The following C14orf132 variants were observed in gnomAD, a reference collection of about 807,000 sequenced individuals.
The protein encoded by C14orf132 is chromosome 14 open reading frame 132.
Under a neutral mutation model 5.8 loss-of-function variants are expected in C14orf132, and 6 were observed. The observed-to-expected ratio is 1.03, with a 90% confidence interval of 0.57 to 2.04. C14orf132 has a LOEUF of 2.04. Ranked by LOEUF, C14orf132 falls within the 30% of genes most tolerant of loss-of-function variation. The probability of loss-of-function intolerance (pLI) is 0.00; values close to 1 mark genes in which losing one functional copy is unlikely to be tolerated. For synonymous variants in C14orf132, 51 were observed against 49.8 expected (o/e 1.02, Z -0.10); for missense variants, 125 against 115.8 (o/e 1.08, Z -0.37).
intron 1 of C14orf132, among the ~76,000 whole-genome samples, chr14:96,059,790 T>A (rs1424058296): frequency 6.6e-6 from 1 of 152,206 alleles, no homozygotes; most frequent in Non-Finnish European, 1.5e-5. Context: ...CTTCCTGATC[T>A]GTTTCCTTTC....
chr14:96,069,127 C>T (rs973566315), intron 1 of C14orf132, among the ~76,000 whole-genome samples: 31 of 149,406 alleles, frequency 2.1e-4, no homozygotes, highest in Non-Finnish European at 1.3e-4. Context: ...GTTTCTCAGC[C>T]TCCATAATTG....
intron 1 of C14orf132, among the ~76,000 whole-genome samples, chr14:96,066,094 G>T (rs970667645): frequency 2.0e-5 from 3 of 152,134 alleles, no homozygotes; most frequent in African/African-American, 7.2e-5. Context: ...CTCAGGTACA[G>T]CCAGGGAGGT....
intron 1 of C14orf132, among the ~76,000 whole-genome samples, chr14:96,078,518 C>T (rs1201883047): frequency 1.3e-5 from 2 of 152,190 alleles, no homozygotes; most frequent in Non-Finnish European, 2.9e-5. Flanking sequence ...CCAGGGGCCT[C>T]GGCCATTGCT....
At position 96,091,653 on chromosome 14, in the gene C14orf132, C is replaced by T; in HGVS notation, c.*4918C>T. 1 of 153,574 alleles carries T rather than the reference C, an allele frequency of 6.5e-6. No homozygotes were observed. Among genetic ancestry groups the T allele is most frequent in the East Asian group, 1.9e-4 (1 of 5,200 alleles). 9.5% of individuals were successfully genotyped at this position (153,574 alleles called of 1,614,324 possible). A position where few individuals can be genotyped will look rare whatever the true frequency, so the allele number is the denominator to read the frequency against. The stretch of plus-strand genomic sequence containing the variant: ...GGGCTGAGCTGCTATGACAGGGAGG[C>T]CCAGGGAGTTCTGCTCAGGGAGCCA... On this transcript the variant is annotated 3_prime_UTR_variant, in exon 2 of 2. Transcript: ENST00000555004.
At position 96,049,647 on chromosome 14, in the gene C14orf132, T is replaced by TGTAC. The variant is rs1566823952; in HGVS notation, c.27+10120_27+10121insGTAC. Among the ~76,000 whole-genome samples the TGTAC allele has an allele frequency of 1.7e-4, 13 of 78,752 alleles. 2 individuals are homozygous for TGTAC. Among genetic ancestry groups the TGTAC allele is most frequent in the East Asian group, 7.7e-4 (1 of 1,298 alleles). 51.7% of individuals were successfully genotyped at this position (78,752 alleles called of 152,430 possible). ...ATATATATACATATATACGTATATA[T>TGTAC]ATATATAGAGAGAGAGAGAGAGAGA... On this transcript the variant is annotated intron_variant, in intron 1 of 1. Transcript: ENST00000555004.
At chr14:96,053,952 C>A (rs983418725) in intron 1 of C14orf132, among the ~76,000 whole-genome samples, 1 of 152,140 alleles carries the variant, frequency 6.6e-6, no homozygotes, top group Non-Finnish European at 1.5e-5. Flanking sequence ...CATAGGAGAC[C>A]CTCAGGGCTA....
chr14:96,046,346 G>A (rs903174630), intron 1 of C14orf132, among the ~76,000 whole-genome samples: 8 of 152,142 alleles, frequency 5.3e-5, no homozygotes, highest in African/African-American at 1.4e-4. Context: ...GATTCATCCC[G>A]GGGCTGCCAG....
Position 96,039,584 on chromosome 14 carries a change from C to T in C14orf132, c.27+57C>T. On this transcript the variant is annotated intron_variant, in intron 1 of 1. Transcript: ENST00000555004. This position sits in a 1 kb window ranked among gnomAD's most constrained non-coding sequence, Gnocchi z 5.3. ...CCGCCAAGTTTGGGGAGGTTCGGGG[C>T]CACGGTCTCGCCCTCCACGCTGGGG... The T allele has an allele frequency of 6.8e-7, 1 of 1,465,960 alleles. No individual in the cohort carries two copies. The highest frequency in any genetic ancestry group is 9.0e-7 in the Non-Finnish European group (1 of 1,105,166). 90.8% of individuals were successfully genotyped at this position (1,465,960 alleles called of 1,614,324 possible). A position where few individuals can be genotyped will look rare whatever the true frequency, so the allele number is the denominator to read the frequency against.
chr14:96,042,361 T>G (rs1264011166), intron 1 of C14orf132, among the ~76,000 whole-genome samples: 1 of 152,166 alleles, frequency 6.6e-6, no homozygotes, highest in Non-Finnish European at 1.5e-5. Flanking sequence ...TGCAAGTTAT[T>G]GAGCAGGAGA....
chr14:96,056,266 C>T (rs138701362), intron 1 of C14orf132, among the ~76,000 whole-genome samples: 2 of 152,322 alleles, frequency 1.3e-5, no homozygotes, highest in African/African-American at 4.8e-5. Context: ...ATTCACGTGA[C>T]ATGGCCCTCT....
At chr14:96,059,811 C>T (rs1483573167) in intron 1 of C14orf132, among the ~76,000 whole-genome samples, 3 of 152,194 alleles carry the variant, frequency 2.0e-5, no homozygotes, top group Non-Finnish European at 4.4e-5. Flanking sequence ...TTCACTCTTG[C>T]CAGAGGGAGC....
chr14:96,054,816 TA>T (rs1887131902), intron 1 of C14orf132, among the ~76,000 whole-genome samples: 1 of 152,206 alleles, frequency 6.6e-6, no homozygotes, highest in African/African-American at 2.4e-5. Context: ...CAGGACATAA[TA>T]ATTCAGGAAA....
intron 1 of C14orf132, among the ~76,000 whole-genome samples, chr14:96,065,724 C>A (rs1887511729): frequency 6.6e-6 from 1 of 151,726 alleles, no homozygotes; most frequent in African/African-American, 2.4e-5. Flanking sequence ...AACAATTGAA[C>A]AAACACATTC....
intron 1 of C14orf132, among the ~76,000 whole-genome samples, chr14:96,063,277 C>A (rs1887418579): frequency 6.6e-6 from 1 of 152,066 alleles, no homozygotes; most frequent in South Asian, 2.1e-4. Context: ...AAGTACTGTC[C>A]ACCCAAGGAA....
rs1307404592 is a variant in C14orf132 at position 96,089,664 on chromosome 14, G to A, written c.*2929G>A. 6.6e-6 allele frequency: 1 copy of A among 152,260 alleles called. No homozygotes were observed. Among genetic ancestry groups the A allele is most frequent in the Non-Finnish European group, 1.5e-5 (1 of 68,178 alleles). 9.4% of individuals were successfully genotyped at this position (152,260 alleles called of 1,614,324 possible). On this transcript the variant is annotated 3_prime_UTR_variant, in exon 2 of 2. Transcript: ENST00000555004. ...ACCTCCCGCCCACTGCTCTCTCTCT[G>A]CCCAGATTTCAGGGGTGCCGGTCCC...
At chr14:96,065,084 G>T (rs771254016) in intron 1 of C14orf132, among the ~76,000 whole-genome samples, 1 of 152,006 alleles carries the variant, frequency 6.6e-6, no homozygotes, top group Non-Finnish European at 1.5e-5. Flanking sequence ...CATGTGTAGC[G>T]GTCGGGGGAG....
intron 1 of C14orf132, among the ~76,000 whole-genome samples, chr14:96,053,298 G>A (rs1273506348): frequency 2.6e-5 from 4 of 152,310 alleles, no homozygotes; most frequent in East Asian, 1.9e-4. Flanking sequence ...CACTGGGGAC[G>A]CTGGGGAACA....
intron 1 of C14orf132, among the ~76,000 whole-genome samples, chr14:96,085,086 C>T (rs1278878526): frequency 6.6e-6 from 1 of 152,196 alleles, no homozygotes; most frequent in Non-Finnish European, 1.5e-5. Context: ...AACCCTGACA[C>T]CACCACAGAT....
intron 1 of C14orf132, among the ~76,000 whole-genome samples, chr14:96,077,245 T>C (rs1418457544): frequency 6.6e-6 from 1 of 152,212 alleles, no homozygotes; most frequent in Non-Finnish European, 1.5e-5. Flanking sequence ...TGAGGTGTGA[T>C]AATTTTGGAC....
Sources: allele counts gnomAD v4.1 joint callset (sites outside exome capture counted in the v4.1 genomes callset), GRCh38; gene constraint gnomAD v4.1.1; non-coding constraint Gnocchi (gnomAD v3.1); transcripts MANE v1.5; gene names NCBI Gene and HGNC (gene_info 2026-07-23, HGNC 2026-07-21).